Variants in TPR observed in about 807,000 individuals in gnomAD.
The protein encoded by TPR is nucleoprotein TPR.
A neutral mutation model predicts 316.1 loss-of-function variants in TPR; 51 were observed. The ratio of observed to expected loss-of-function variants is 0.16; its 90% CI spans 0.13 to 0.20. TPR has a LOEUF of 0.20. Among genes scored for constraint, TPR ranks in the 10% least tolerant of loss-of-function variants. TPR has a pLI of 1.00. For missense variants in TPR, 2,272 were observed against 2,754.8 expected (o/e 0.82, Z 3.92); for synonymous variants, 981 against 914.7 (o/e 1.07, Z -1.31).
At chr1:186,371,315 TTTA>T (rs1659516891) in intron 2 of TPR, among the ~76,000 whole-genome samples, 1 of 152,266 alleles carries the variant, frequency 6.6e-6, no homozygotes, top group South Asian at 2.1e-4. Flanking sequence ...TAGTAATTCC[TTTA>T]TTTTTCAGTG....
chr1:186,312,582 T>C lies in TPR; in HGVS notation c.*1389A>G, dbSNP rs1413511125. On this transcript the variant is annotated 3_prime_UTR_variant, in exon 51 of 51. Coordinates refer to ENST00000367478, the MANE Select transcript of TPR (RefSeq NM_003292.3). ...GGGTAAGTAAAGCAGTTTGTTCAGGTTTGTTAGTTATAACCAATACTATTT... is the reference window on the plus strand; with the variant it reads ...GGGTAAGTAAAGCAGTTTGTTCAGGCTTGTTAGTTATAACCAATACTATTT... 3.8e-6 allele frequency: 3 copies of C among 785,024 alleles called. No homozygotes were observed. The African/African-American group carries it at 5.3e-5, about 14-fold the overall frequency. 48.6% of individuals were successfully genotyped at this position (785,024 alleles called of 1,614,324 possible).
chr1:186,360,224 T>A, intron 11 of TPR, 49 bp downstream of exon 11: 2 of 1,571,686 alleles, frequency 1.3e-6, no homozygotes, highest in Non-Finnish European at 1.7e-6. Flanking sequence ...GAGATTTGTA[T>A]ACATTTGCTG....
chr1:186,325,859 AAAC>A lies in TPR; in HGVS notation c.6022-8_6022-6del, dbSNP rs779298115. Reference sequence around the variant, plus strand: ...TGGATCAGTCCCATCACCACCCTAAAAACAAAACGTGGTAACATAATGCTCAAA... The same window carrying A: ...TGGATCAGTCCCATCACCACCCTAAAAAAACGTGGTAACATAATGCTCAAA... On this transcript the variant is annotated splice_polypyrimidine_tract_variant and splice_region_variant and intron_variant, in intron 41 of 50. Transcript: ENST00000367478. 1 of 1,612,462 alleles carries A rather than the reference AAAC, an allele frequency of 6.2e-7. No individual in the cohort carries two copies. The highest frequency in any genetic ancestry group is 2.2e-5 in the East Asian group (1 of 44,830).
rs1657474843 is a variant in TPR at position 186,313,975 on chromosome 1, T to C, written c.7088A>G (p.Asn2363Ser). Residue 2363 changes from asparagine (N) to serine (S), a missense_variant, in exon 51 of 51, where the codon AAT becomes AGT. By Grantham distance (46) the Asn-to-Ser change is conservative. Transcript: ENST00000367478. ...GRGGINRGNI[N>S] ...TTGTTATTGTTTACAGACCATTTAA[T>C]TAATATTTCCTCTGTTTATTCCTCC... is the stretch of plus-strand genomic sequence containing the variant. 6.2e-7 allele frequency: 1 copy of C among 1,611,746 alleles called. No homozygotes were observed. Among genetic ancestry groups the C allele is most frequent in the Non-Finnish European group, 8.5e-7 (1 of 1,178,988 alleles).
intron 38 of TPR, 53 bp downstream of exon 38, chr1:186,332,142 G>A (rs1658185020): frequency 3.9e-6 from 6 of 1,548,202 alleles, no homozygotes; most frequent in Middle Eastern, 1.9e-4. Context: ...GCTGAAAAGA[G>A]TACCTTAACT....
chr1:186,336,327 T>C lies in TPR; in HGVS notation c.4705+169A>G, dbSNP rs191222049. ...CAAGGATATCCTCATCACTTGAAAATTAGGATTGCTCTTTGTGTCCAACTA... is the reference window on the plus strand; with the variant it reads ...CAAGGATATCCTCATCACTTGAAAACTAGGATTGCTCTTTGTGTCCAACTA... On this transcript the variant is annotated intron_variant, in intron 33 of 50. Coordinates refer to ENST00000367478, the MANE Select transcript of TPR (RefSeq NM_003292.3). Among the ~76,000 whole-genome samples the C allele has an allele frequency of 2.0e-5, 3 of 152,246 alleles. No homozygotes were observed. In the East Asian group the frequency reaches 5.8e-4, roughly 29 times the overall value.
intron 6 of TPR, 125 bp from the exon 7 acceptor site, chr1:186,362,505 A>G (rs1659226285): frequency 1.4e-6 from 1 of 726,374 alleles, no homozygotes; most frequent in Admixed American, 3.0e-5. Context: ...AGCAATTAAA[A>G]TATGCATATT....
intron 8 of TPR, 32 bp downstream of exon 8, chr1:186,361,757 T>A (rs763874312): frequency 1.2e-6 from 2 of 1,613,042 alleles, no homozygotes; most frequent in Non-Finnish European, 1.7e-6. Flanking sequence ...AATGCAACAT[T>A]TAGATACTAA....
intron 17 of TPR, 85 bp downstream of exon 17, chr1:186,355,325 T>C: frequency 6.9e-7 from 1 of 1,445,764 alleles, no homozygotes; most frequent in South Asian, 1.3e-5. Context: ...GCAACACTAT[T>C]GCAAATTAGC....
intron 43 of TPR, 25 bp downstream of exon 43, chr1:186,323,661 T>G (rs1657833959): frequency 7.0e-7 from 1 of 1,419,408 alleles, no homozygotes; most frequent in African/African-American, 1.5e-5. Context: ...AGTTCATTTT[T>G]CATAATGACC....
intron 1 of TPR, among the ~76,000 whole-genome samples, chr1:186,374,569 G>A (rs910246034): frequency 2.0e-5 from 3 of 152,188 alleles, no homozygotes; most frequent in African/African-American, 7.2e-5. Flanking sequence ...AGGTACTCTA[G>A]GCTTAGAGAG....
chr1:186,326,582 T>TA (rs1657938947), intron 40 of TPR, among the ~76,000 whole-genome samples: 1 of 152,016 alleles, frequency 6.6e-6, no homozygotes, highest in Non-Finnish European at 1.5e-5. Flanking sequence ...AGGAGCTATT[T>TA]AAAAAATGTT....
chr1:186,353,296 C>T (rs61810292), intron 18 of TPR, among the ~76,000 whole-genome samples: 43,669 of 150,674 alleles, frequency 0.29, 6,850 homozygotes, highest in Admixed American at 0.38. Flanking sequence ...GGCGTAAACC[C>T]GGGAGGCGGA....
chr1:186,336,460 T>A, intron 33 of TPR, 36 bp downstream of exon 33: 2 of 1,605,738 alleles, frequency 1.2e-6, no homozygotes, highest in Non-Finnish European at 1.7e-6. Flanking sequence ...ATAATCAACT[T>A]TCACTACCAA....
At chr1:186,362,659 A>G (rs1213235201) in intron 6 of TPR, among the ~76,000 whole-genome samples, 178 bp downstream of exon 6, 2 of 152,056 alleles carry the variant, frequency 1.3e-5, no homozygotes, top group Non-Finnish European at 2.9e-5. Flanking sequence ...AAAGAATCTT[A>G]AATTCTTTAT....
Position 186,313,600 on chromosome 1 carries a change from G to T in TPR, c.*371C>A. On this transcript the variant is annotated 3_prime_UTR_variant, in exon 51 of 51. Transcript: ENST00000367478. ...TTAAAATGATAAACATTGTCTTTGAGCATAATAGTCAACATAAGTTATTTT... is the reference window on the plus strand; with the variant it reads ...TTAAAATGATAAACATTGTCTTTGATCATAATAGTCAACATAAGTTATTTT... 4.8e-6 allele frequency: 4 copies of T among 830,020 alleles called. No homozygotes were observed. Among genetic ancestry groups the T allele is most frequent in the Non-Finnish European group, 8.5e-6 (4 of 471,854 alleles). 51.4% of individuals were successfully genotyped at this position (830,020 alleles called of 1,614,324 possible).
At chr1:186,371,402 A>T (rs76554103) in intron 2 of TPR, among the ~76,000 whole-genome samples, 21,341 of 152,218 alleles carry the variant, frequency 0.14, 1,599 homozygotes, top group Non-Finnish European at 0.16. Context: ...AGTTAAAAAG[A>T]CAGGATCAAG....
chr1:186,327,778 A>T (rs1658045777), intron 39 of TPR, 118 bp from the exon 40 acceptor site: 2 of 869,506 alleles, frequency 2.3e-6, no homozygotes, highest in Non-Finnish European at 3.4e-6. Flanking sequence ...GACTAGCAGC[A>T]TTTAATTTAA....
chr1:186,361,528 A>C lies in TPR; in HGVS notation c.958+94T>G. 3.2e-6 allele frequency: 4 copies of C among 1,243,778 alleles called. No homozygotes were observed. The South Asian group carries it at 5.4e-5, about 17-fold the overall frequency. 77.0% of individuals were successfully genotyped at this position (1,243,778 alleles called of 1,614,324 possible). ...CCTAATTCTGTCCCAAATAAAGTCTAACACCTAAATCCAATCATCTATACA... is the reference window on the plus strand; with the variant it reads ...CCTAATTCTGTCCCAAATAAAGTCTCACACCTAAATCCAATCATCTATACA... On this transcript the variant is annotated intron_variant, in intron 9 of 50. Transcript: ENST00000367478.
Sources: gnomAD v4.1 joint callset for allele counts (sites outside exome capture counted in the v4.1 genomes callset) on GRCh38, gnomAD v4.1.1 for gene constraint, MANE v1.5 for transcripts, NCBI Gene and HGNC (gene_info 2026-07-23, HGNC 2026-07-21) for gene names.